VDAC1: variants seen among roughly 807,000 people sequenced by gnomAD.
VDAC1 encodes the protein voltage dependent anion channel 1.
VDAC1 carries 10 observed loss-of-function variants against 34.7 expected under a neutral mutation model. That is an observed-to-expected ratio of 0.29 (90% confidence interval 0.18 to 0.49). The LOEUF is 0.49. Among genes scored for constraint, VDAC1 ranks in the 20% least tolerant of loss-of-function variants. The pLI, the probability that VDAC1 is intolerant of heterozygous loss-of-function variation, is 0.99. For missense variants in VDAC1, 230 were observed against 347.9 expected (o/e 0.66, Z 2.69); for synonymous variants, 130 against 136.0 (o/e 0.96, Z 0.30).
At chr5:134,082,668 A>G in the VDAC1 span, among the ~76,000 whole-genome samples, 1 of 152,196 alleles carries the variant, frequency 6.6e-6, no homozygotes, top group Non-Finnish European at 1.5e-5. Context: ...TTGGTTTTAT[A>G]TTCATATCAG....
At chr5:134,033,188 G>A in the VDAC1 span, among the ~76,000 whole-genome samples, 1 of 139,702 alleles carries the variant, frequency 7.2e-6, no homozygotes, top group Non-Finnish European at 1.5e-5. Flanking sequence ...GACGGCGTCT[G>A]GCTCTGTCAC....
chr5:133,983,529 G>T (rs1752780819), intron 5 of VDAC1, among the ~76,000 whole-genome samples: 1 of 151,902 alleles, frequency 6.6e-6, no homozygotes, highest in South Asian at 2.1e-4. Flanking sequence ...GTATATTTTT[G>T]TATGTTTCAG....
the VDAC1 span, among the ~76,000 whole-genome samples, chr5:134,016,113 A>G: frequency 3.9e-5 from 6 of 152,140 alleles, no homozygotes; most frequent in African/African-American, 1.4e-4. Flanking sequence ...GAGGCCTCCA[A>G]CTTTTAAAGG....
chr5:134,045,207 G>A, the VDAC1 span, among the ~76,000 whole-genome samples: 2 of 152,318 alleles, frequency 1.3e-5, no homozygotes, highest in African/African-American at 4.8e-5. Flanking sequence ...GGCCCTGCTG[G>A]CCTGGACTCA....
chr5:133,993,425 T>C (rs1753179861), intron 1 of VDAC1, among the ~76,000 whole-genome samples: 2 of 152,352 alleles, frequency 1.3e-5, no homozygotes, highest in South Asian at 4.1e-4. Flanking sequence ...TGTCAGCTAC[T>C]AGGACATTAA....
upstream of VDAC1, among the ~76,000 whole-genome samples, chr5:134,007,661 G>A (rs747267820): frequency 6.6e-6 from 1 of 152,184 alleles, no homozygotes; most frequent in African/African-American, 2.4e-5. Context: ...ACCCAGGGAT[G>A]AGTATGGCAG....
the VDAC1 span, among the ~76,000 whole-genome samples, chr5:134,048,277 T>C: frequency 1.3e-5 from 2 of 148,554 alleles, no homozygotes; most frequent in African/African-American, 5.0e-5. Flanking sequence ...CTTTTTTTTT[T>C]CTCTCTTTTG....
chr5:134,021,112 C>T, the VDAC1 span, among the ~76,000 whole-genome samples: 1 of 151,898 alleles, frequency 6.6e-6, no homozygotes, highest in Non-Finnish European at 1.5e-5. Flanking sequence ...CACCTGAACC[C>T]CGGGAGGTCA....
chr5:133,998,971 G>A (rs1167187324), intron 1 of VDAC1, among the ~76,000 whole-genome samples: 2 of 152,074 alleles, frequency 1.3e-5, no homozygotes, highest in African/African-American at 2.4e-5. Context: ...CCAGGCCCCC[G>A]CCTGGTAGAA....
chr5:134,109,141 T>C, the VDAC1 span, among the ~76,000 whole-genome samples: 1 of 152,100 alleles, frequency 6.6e-6, no homozygotes, highest in African/African-American at 2.4e-5. Flanking sequence ...CGATCCATCC[T>C]TCCATTCAGC....
chr5:134,069,862 T>C, the VDAC1 span, among the ~76,000 whole-genome samples: 5 of 152,142 alleles, frequency 3.3e-5, no homozygotes, highest in Admixed American at 1.3e-4. Context: ...GAGACCTTGC[T>C]GATAAAACAG....
At chr5:133,997,999 G>A (rs1228126076) in intron 1 of VDAC1, among the ~76,000 whole-genome samples, 1 of 151,626 alleles carries the variant, frequency 6.6e-6, no homozygotes, top group African/African-American at 2.4e-5. Context: ...CCTGGGAGGT[G>A]GAGGTTGTGG....
chr5:134,033,645 T>G, the VDAC1 span, among the ~76,000 whole-genome samples: 4 of 146,978 alleles, frequency 2.7e-5, no homozygotes, highest in Non-Finnish European at 6.0e-5. Flanking sequence ...TTAATTAAAA[T>G]CAATCAGGAA....
intron 1 of VDAC1, among the ~76,000 whole-genome samples, chr5:133,994,304 G>C (rs993625944): frequency 6.6e-6 from 1 of 152,206 alleles, no homozygotes; most frequent in Non-Finnish European, 1.5e-5. Context: ...TTGTGATCCA[G>C]GTCCTACTTT....
the VDAC1 span, among the ~76,000 whole-genome samples, chr5:134,039,462 G>A: frequency 1.3e-5 from 2 of 152,216 alleles, no homozygotes; most frequent in South Asian, 2.1e-4. Flanking sequence ...CTGAGTAGCT[G>A]GGACTACAGG....
At chr5:134,030,600 CTTTCTTTT>C in the VDAC1 span, among the ~76,000 whole-genome samples, 1 of 109,920 alleles carries the variant, frequency 9.1e-6, no homozygotes, top group Admixed American at 9.2e-5. Flanking sequence ...TTCTTTCTTT[CTTTCTTTT>C]TTTTTTGAGA....
chr5:134,050,351 A>G, the VDAC1 span, among the ~76,000 whole-genome samples: 5 of 152,210 alleles, frequency 3.3e-5, no homozygotes, highest in Non-Finnish European at 7.3e-5. Flanking sequence ...AGAAGTTAAT[A>G]ATTCTATTTT....
At chr5:134,042,337 C>G in the VDAC1 span, among the ~76,000 whole-genome samples, 2 of 152,146 alleles carry the variant, frequency 1.3e-5, no homozygotes, top group South Asian at 2.1e-4. Context: ...TGGGGACACC[C>G]TGGACCTCAC....
the VDAC1 span, among the ~76,000 whole-genome samples, chr5:134,061,017 C>G: frequency 1.3e-5 from 2 of 150,424 alleles, no homozygotes; most frequent in African/African-American, 2.4e-5. Flanking sequence ...GGATTGCAGG[C>G]ACACACCACC....
Sources: allele counts gnomAD v4.1 joint callset (sites outside exome capture counted in the v4.1 genomes callset), GRCh38; gene constraint gnomAD v4.1.1; transcripts MANE v1.5; gene names NCBI Gene and HGNC (gene_info 2026-07-23, HGNC 2026-07-21).